Variants in TBL1Y observed in about 807,000 individuals in gnomAD.
TBL1Y encodes F-box-like/WD repeat-containing protein TBL1Y.
In TBL1Y, 15 loss-of-function variants were observed where a neutral mutation model predicts 12.0. The observed-to-expected ratio is 1.25, with a 90% confidence interval of 0.83 to 1.92. The LOEUF (loss-of-function observed/expected upper bound fraction) is 1.92. TBL1Y is among the 40% of genes most tolerant of loss of function. TBL1Y has a pLI of 0.00. For synonymous variants in TBL1Y, 53 were observed against 42.6 expected (o/e 1.24, Z -0.95); for missense variants, 148 against 116.7 (o/e 1.27, Z -1.24).
At chrY:7,066,699 G>A in intron 8 of TBL1Y, among the ~76,000 whole-genome samples, 1 of 28,081 alleles carries the variant, frequency 3.6e-5, no homozygotes, top group Non-Finnish European at 8.3e-5. Context: ...GGCCAGATGC[G>A]GTGGCTCTTG....
In TBL1Y at chrY:7,091,477, T is replaced by C. The variant is rs751927450; in HGVS notation, c.1554T>C (p.Cys518=). Residue 518 remains cysteine, a synonymous_variant, in exon 19 of 19, where the codon TGT becomes TGC. Transcript: ENST00000383032. ...VGASASDGSV[C]VLDL is the part of the protein sequence containing the mutation. ...TACTTTGTCTTTCCTTCCAGGTGTG[T>C]GTTCTGGATCTGTGAAAGTAAACAC... 33 of 382,889 alleles carry C rather than the reference T, an allele frequency of 8.6e-5. No individual in the cohort carries two copies. In the Admixed American group the frequency reaches 2.2e-3, roughly 26 times the overall value.
In TBL1Y at chrY:6,995,590, T is replaced by G. The variant is rs755619397; in HGVS notation, c.-234-214T>G. 3.1e-4 allele frequency among the ~76,000 whole-genome samples: 10 copies of G among 32,003 alleles called. No individual in the cohort carries two copies. The East Asian group carries it at 8.4e-3, about 27-fold the overall frequency. 85.9% of individuals were successfully genotyped at this position (32,003 alleles called of 37,273 possible). The stretch of plus-strand genomic sequence containing the variant: ...TTAACTGGGTAGACTTAAAATTTAT[T>G]TTTTTTAATTTTGAGACGGTGTTTC... On this transcript the variant is annotated intron_variant, in intron 3 of 18. Coordinates refer to ENST00000383032, the MANE Select transcript of TBL1Y (RefSeq NM_033284.2).
At chrY:6,980,027 G>T (rs2012273114) in intron 3 of TBL1Y, among the ~76,000 whole-genome samples, 3 of 33,013 alleles carry the variant, frequency 9.1e-5, no homozygotes, top group Non-Finnish European at 2.2e-4. Context: ...AGCACTACAG[G>T]GATGATTTTA....
chrY:7,080,706 G>C (rs1177316337), intron 13 of TBL1Y, 26 bp from the exon 14 acceptor site: 2 of 397,839 alleles, frequency 5.0e-6, no homozygotes, highest in South Asian at 6.0e-5. Flanking sequence ...GTGAATAACT[G>C]CAGATGTCCT....
intron 6 of TBL1Y, among the ~76,000 whole-genome samples, chrY:7,033,588 A>C: frequency 3.0e-5 from 1 of 33,514 alleles, no homozygotes; most frequent in Non-Finnish European, 7.4e-5. Context: ...TCCTCAACAA[A>C]ATACTGGCAA....
intron 4 of TBL1Y, among the ~76,000 whole-genome samples, chrY:7,011,198 C>T (rs982290777): frequency 3.0e-5 from 1 of 33,394 alleles, no homozygotes; most frequent in Non-Finnish European, 7.4e-5. Flanking sequence ...GTGGTGGGAC[C>T]GTCCTGTTCA....
intron 12 of TBL1Y, among the ~76,000 whole-genome samples, chrY:7,073,534 A>T (rs2013046220): frequency 2.7e-4 from 9 of 33,437 alleles, no homozygotes; most frequent in Non-Finnish European, 5.1e-4. Context: ...ATGAGTTTAT[A>T]TATTCTCTGC....
intron 17 of TBL1Y, among the ~76,000 whole-genome samples, chrY:7,089,310 A>G: frequency 2.9e-5 from 1 of 34,268 alleles, no homozygotes; most frequent in Non-Finnish European, 7.3e-5. Context: ...ATTACTGTCA[A>G]TTCCCTTGCT....
At chrY:7,000,910 G>A (rs2012445144) in intron 4 of TBL1Y, among the ~76,000 whole-genome samples, 1 of 33,879 alleles carries the variant, frequency 3.0e-5, no homozygotes, top group Admixed American at 2.7e-4. Flanking sequence ...TCTGGCTCAG[G>A]CATTTTGTTT....
At chrY:7,063,145 A>G in intron 7 of TBL1Y, among the ~76,000 whole-genome samples, 1 of 33,892 alleles carries the variant, frequency 3.0e-5, no homozygotes, top group Admixed American at 2.6e-4. Flanking sequence ...AGTCAGAGAC[A>G]GTCCCCAGTG....
intron 2 of TBL1Y, among the ~76,000 whole-genome samples, chrY:6,958,547 A>G: frequency 3.0e-5 from 1 of 32,945 alleles, no homozygotes; most frequent in Admixed American, 2.8e-4. Context: ...GACCTGCACC[A>G]GCACTGGTCT....
chrY:7,042,177 G>A, intron 6 of TBL1Y, among the ~76,000 whole-genome samples: 1 of 32,678 alleles, frequency 3.1e-5, no homozygotes, highest in African/African-American at 1.2e-4. Flanking sequence ...ATTGCCCCCA[G>A]TGCACTTGGG....
intron 2 of TBL1Y, among the ~76,000 whole-genome samples, chrY:6,957,485 A>G (rs374892329): frequency 2.9e-5 from 1 of 34,130 alleles, no homozygotes; most frequent in East Asian, 7.8e-4. Flanking sequence ...AAGAATTTTC[A>G]AGAGCTTATC....
intron 2 of TBL1Y, among the ~76,000 whole-genome samples, chrY:6,969,821 A>T (rs2012195500): frequency 2.7e-4 from 8 of 29,844 alleles, no homozygotes; most frequent in East Asian, 8.7e-4. Flanking sequence ...TGTGGATTTT[A>T]AAAAAAAAAG....
intron 2 of TBL1Y, among the ~76,000 whole-genome samples, chrY:6,974,215 C>G: frequency 3.0e-5 from 1 of 33,716 alleles, no homozygotes; most frequent in Non-Finnish European, 7.3e-5. Context: ...ATGTTACTGT[C>G]AGTGCCGCAA....
At chrY:6,984,493 T>G (rs2012304813) in intron 3 of TBL1Y, among the ~76,000 whole-genome samples, 2 of 33,449 alleles carry the variant, frequency 6.0e-5, no homozygotes, top group South Asian at 1.4e-3. Flanking sequence ...TGGCCCCTTC[T>G]TCTGTTGGCT....
intron 5 of TBL1Y, among the ~76,000 whole-genome samples, chrY:7,021,902 G>A (rs2012584548): frequency 6.0e-5 from 2 of 33,217 alleles, no homozygotes; most frequent in African/African-American, 2.3e-4. Context: ...GGGCACACGA[G>A]TATAGATTTT....
chrY:7,088,771 A>T (rs765474557), intron 17 of TBL1Y, among the ~76,000 whole-genome samples: 244 of 33,347 alleles, frequency 7.3e-3, no homozygotes, highest in African/African-American at 0.027. Context: ...AGAAATCTTA[A>T]AGCCCACTTT....
intron 14 of TBL1Y, among the ~76,000 whole-genome samples, chrY:7,085,500 A>G: frequency 3.1e-5 from 1 of 32,170 alleles, no homozygotes; most frequent in Admixed American, 2.8e-4. Context: ...TTGCCTCAAA[A>G]GTTAAAAAAA....
Sources: allele counts gnomAD v4.1 joint callset (sites outside exome capture counted in the v4.1 genomes callset), GRCh38; gene constraint gnomAD v4.1.1; transcripts MANE v1.5; gene names NCBI Gene and HGNC (gene_info 2026-07-23, HGNC 2026-07-21).